Variants in GABRG3 observed in about 807,000 individuals in gnomAD.
The protein encoded by GABRG3 is gamma-aminobutyric acid type A receptor subunit gamma3.
A neutral mutation model predicts 48.8 loss-of-function variants in GABRG3; 25 were observed. That is an observed-to-expected ratio of 0.51 (90% CI 0.37 to 0.72). The LOEUF (loss-of-function observed/expected upper bound fraction) is 0.72. Ranked by LOEUF, GABRG3 falls within the 30% of genes least tolerant of loss-of-function variation. The pLI is 0.00. For synonymous variants in GABRG3, 227 were observed against 217.6 expected (o/e 1.04, Z -0.38); for missense variants, 394 against 577.9 (o/e 0.68, Z 3.26).
At chr15:27,414,955 G>T (rs932221485) in intron 5 of GABRG3, among the ~76,000 whole-genome samples, 6 of 152,032 alleles carry the variant, frequency 3.9e-5, no homozygotes, top group Non-Finnish European at 7.4e-5. Context: ...AAAGTGATCT[G>T]TTCAGGTGAA....
At chr15:27,065,379 CA>C (rs543862495) in intron 3 of GABRG3, among the ~76,000 whole-genome samples, 1 of 152,174 alleles carries the variant, frequency 6.6e-6, no homozygotes, top group Non-Finnish European at 1.5e-5. Flanking sequence ...GAGGCTGTTA[CA>C]TTATTATTGC....
chr15:27,358,111 C>G (rs111645894), intron 5 of GABRG3, among the ~76,000 whole-genome samples: 1 of 152,166 alleles, frequency 6.6e-6, no homozygotes, highest in Non-Finnish European at 1.5e-5. Context: ...TGGATACGAG[C>G]TTTCCAAAAT....
chr15:27,498,629 T>G (rs1890544464), intron 6 of GABRG3, among the ~76,000 whole-genome samples: 1 of 152,104 alleles, frequency 6.6e-6, no homozygotes, highest in Non-Finnish European at 1.5e-5. Context: ...CTGCTGGGAC[T>G]ACAGGTGCAC....
intron 3 of GABRG3, among the ~76,000 whole-genome samples, chr15:27,240,705 A>G (rs1890105499): frequency 6.6e-6 from 1 of 152,234 alleles, no homozygotes; most frequent in South Asian, 2.1e-4. Flanking sequence ...TACTTTTCAG[A>G]TAGAACCCTG....
intron 3 of GABRG3, among the ~76,000 whole-genome samples, chr15:27,043,125 C>A (rs775155090): frequency 6.6e-6 from 1 of 152,180 alleles, no homozygotes; most frequent in African/African-American, 2.4e-5. Flanking sequence ...CAGCCCCATT[C>A]TAATACCCTC....
intron 3 of GABRG3, among the ~76,000 whole-genome samples, chr15:27,165,907 A>G (rs1887355598): frequency 6.6e-6 from 1 of 152,098 alleles, no homozygotes; most frequent in African/African-American, 2.4e-5. Context: ...TTTTCTAGGT[A>G]GGGGTGGGCA....
At chr15:27,348,743 C>T (rs1478730136) in intron 5 of GABRG3, among the ~76,000 whole-genome samples, 1 of 152,164 alleles carries the variant, frequency 6.6e-6, no homozygotes, top group Admixed American at 6.5e-5. Flanking sequence ...CATGGGAAAT[C>T]AGAGAAGAGT....
chr15:27,144,345 A>ATGGGTT (rs1898159152), intron 3 of GABRG3, among the ~76,000 whole-genome samples: 1 of 152,182 alleles, frequency 6.6e-6, no homozygotes, highest in Non-Finnish European at 1.5e-5. Context: ...AAGAGGCAGC[A>ATGGGTT]TGGGTTTGTA....
chr15:27,330,768 C>G (rs1893776910), intron 5 of GABRG3, among the ~76,000 whole-genome samples: 1 of 152,122 alleles, frequency 6.6e-6, no homozygotes, highest in Admixed American at 6.5e-5. Flanking sequence ...TGGCAATGAG[C>G]ATAAAGTACT....
chr15:27,521,368 A>G (rs927798644), intron 7 of GABRG3, among the ~76,000 whole-genome samples: 1 of 152,158 alleles, frequency 6.6e-6, no homozygotes, highest in Non-Finnish European at 1.5e-5. Context: ...AAGCAATAAC[A>G]AGATCAAGGA....
intron 3 of GABRG3, among the ~76,000 whole-genome samples, chr15:27,224,905 C>A (rs57969977): frequency 0.02 from 3,063 of 151,632 alleles, 116 homozygotes; most frequent in African/African-American, 0.071. Context: ...TTAATGGGAC[C>A]CTAGGTTTCC....
chr15:27,023,366 A>T (rs1759417226), intron 2 of GABRG3, among the ~76,000 whole-genome samples: 1 of 152,194 alleles, frequency 6.6e-6, no homozygotes, highest in South Asian at 2.1e-4. Context: ...GTTGAGTGGC[A>T]GTAGGTCTGT....
chr15:27,164,140 A>G (rs1394093372), intron 3 of GABRG3, among the ~76,000 whole-genome samples: 1 of 152,228 alleles, frequency 6.6e-6, no homozygotes, highest in East Asian at 1.9e-4. Context: ...AAAGCTGAAG[A>G]ATAGTATAAT....
intron 3 of GABRG3, among the ~76,000 whole-genome samples, chr15:27,195,834 T>C (rs1417341765): frequency 6.6e-6 from 1 of 152,110 alleles, no homozygotes; most frequent in African/African-American, 2.4e-5. Flanking sequence ...GGGGTTTCAC[T>C]ATTTTGGCCA....
At position 27,313,262 on chromosome 15, in the gene GABRG3, G is replaced by GTATATATATA. The variant is rs1169926074; in HGVS notation, c.271-13508_271-13499dup. 1.9e-3 allele frequency among the ~76,000 whole-genome samples: 66 copies of GTATATATATA among 34,524 alleles called. 1 individual carries two copies. The highest frequency in any genetic ancestry group is 2.6e-3 in the South Asian group (2 of 772). 22.6% of individuals were successfully genotyped at this position (34,524 alleles called of 152,430 possible). ...TATATGTGTGTGTGTGTGTGTGTGT[G>GTATATATATA]TATATATATATATATATATATATAT... is the stretch of plus-strand genomic sequence containing the variant. On this transcript the variant is annotated intron_variant, in intron 3 of 9. Coordinates refer to ENST00000615808, the MANE Select transcript of GABRG3 (RefSeq NM_033223.5).
In GABRG3 at chr15:27,339,771, C is replaced by T. The variant is rs185093715; in HGVS notation, c.574+10883C>T. Among the ~76,000 whole-genome samples the T allele has an allele frequency of 2.7e-3, 413 of 152,312 alleles. 2 individuals carry two copies. The highest frequency in any genetic ancestry group is 2.6e-3 in the Non-Finnish European group (179 of 68,022). On this transcript the variant is annotated intron_variant, in intron 5 of 9. Transcript: ENST00000615808. ...TCCAGCTTTAGTGACGTAATTTGTT[C>T]AGAGAGGTTAAGAACATGATCATAG...
At chr15:27,398,598 A>G (rs1259581739) in intron 5 of GABRG3, among the ~76,000 whole-genome samples, 2 of 152,074 alleles carry the variant, frequency 1.3e-5, no homozygotes, top group African/African-American at 4.8e-5. Flanking sequence ...GTGGAAGTGT[A>G]GAAAGTAAGG....
intron 3 of GABRG3, among the ~76,000 whole-genome samples, chr15:27,046,255 G>A (rs1395666603): frequency 7.3e-6 from 1 of 137,564 alleles, no homozygotes; most frequent in Non-Finnish European, 1.5e-5. Flanking sequence ...CACCATACCT[G>A]GCTAATTTTT....
At chr15:27,500,950 A>ATTTTT (rs1468649460) in intron 6 of GABRG3, among the ~76,000 whole-genome samples, 3 of 108,330 alleles carry the variant, frequency 2.8e-5, no homozygotes, top group African/African-American at 1.2e-4. Flanking sequence ...GAAGTAACGT[A>ATTTTT]TGTTTTTTTT....
Sources: allele counts gnomAD v4.1 joint callset (sites outside exome capture counted in the v4.1 genomes callset), GRCh38; gene constraint gnomAD v4.1.1; transcripts MANE v1.5; gene names NCBI Gene and HGNC (gene_info 2026-07-23, HGNC 2026-07-21).